SEPTIN12: variants seen among roughly 807,000 people sequenced by gnomAD.
SEPTIN12 encodes the protein septin-12.
A neutral mutation model predicts 37.7 loss-of-function variants in SEPTIN12; 42 were observed. The observed-to-expected ratio is 1.11, with a 90% CI of 0.87 to 1.44. The LOEUF (loss-of-function observed/expected upper bound fraction) is 1.44, where lower values mean the gene tolerates loss of function less well. SEPTIN12 is among the 40% of genes most tolerant of loss of function. SEPTIN12 has a pLI of 0.00. For synonymous variants in SEPTIN12, 254 were observed against 196.7 expected, an observed-to-expected ratio of 1.29 and a Z score of -2.44; for missense variants, 613 against 479.2, an observed-to-expected ratio of 1.28 and a Z score of -2.61.
In SEPTIN12 at chr16:4,785,238, C is replaced by T. The variant is rs141088625; in HGVS notation, c.374+569G>A. On this transcript the variant is annotated intron_variant, in intron 4 of 9. Transcript: ENST00000268231. ...TGCACTCTGGCCTGGGTGACAAGAGCGAGTCTGTCTTAAAAAAAAAAAAAA... is the reference window on the plus strand; with the variant it reads ...TGCACTCTGGCCTGGGTGACAAGAGTGAGTCTGTCTTAAAAAAAAAAAAAA... 9.6e-3 allele frequency among the ~76,000 whole-genome samples: 1,370 copies of T among 142,188 alleles called. 18 individuals are homozygous for T. The highest frequency in any genetic ancestry group is 0.034 in the African/African-American group (1,300 of 38,252). 93.3% of individuals were successfully genotyped at this position (142,188 alleles called of 152,430 possible).
Position 4,778,143 on chromosome 16 carries a change from A to G in SEPTIN12, c.824-6T>C. ...ACAGTGCGCCATGTTCTCCACTGCA[A>G]GACATGGGACTCAGTATGGGCGCTG... On this transcript the variant is annotated splice_region_variant and splice_polypyrimidine_tract_variant and intron_variant, in intron 8 of 9. Coordinates refer to ENST00000268231, the MANE Select transcript of SEPTIN12 (RefSeq NM_144605.5). 4 of 1,614,174 alleles carry G rather than the reference A, an allele frequency of 2.5e-6. No individual in the cohort carries two copies. Among genetic ancestry groups the G allele is most frequent in the Non-Finnish European group, 3.4e-6 (4 of 1,179,988 alleles).
chr16:4,788,446 G>A (rs2082495957), upstream of SEPTIN12: 1 of 152,386 alleles, frequency 6.6e-6, no homozygotes, highest in South Asian at 2.1e-4. Context: ...AGGAGCAGGA[G>A]CTGTTACCCT....
chr16:4,783,657 T>C lies in SEPTIN12; in HGVS notation c.622A>G (p.Arg208Gly), dbSNP rs2082398677. The change falls in exon 6 of 10, where the codon AGG (arginine) becomes GGG (glycine). Residue 208 changes from arginine to glycine, a missense_variant. Transcript: ENST00000268231. ...CCGGGCATCCAGATCACCCTGCGCC[T>C]GAAGGCCTCTCGCTCCTCCATGGTC... is the stretch of plus-strand genomic sequence containing the variant. Reference protein sequence around the residue: ...SLTMEEREAFRRRIQQNLRTH... With the variant: ...SLTMEEREAFGRRIQQNLRTH... The C allele has an allele frequency of 6.2e-7, 1 of 1,613,896 alleles. No individual in the cohort carries two copies.
chr16:4,791,477 A>T (rs1172835139), upstream of SEPTIN12, among the ~76,000 whole-genome samples: 1 of 152,094 alleles, frequency 6.6e-6, no homozygotes, highest in African/African-American at 2.4e-5. Flanking sequence ...CGACACTGGG[A>T]GGAGGTGGAT....
chr16:4,786,255 C>G (rs1476904026), intron 2 of SEPTIN12, 150 bp from the exon 3 acceptor site: 3 of 1,054,506 alleles, frequency 2.8e-6, no homozygotes, highest in East Asian at 5.4e-5. Context: ...TTCACTGCAG[C>G]CTCGACCTTC....
chr16:4,777,794 TG>T lies in SEPTIN12; in HGVS notation c.*2del. The T allele has an allele frequency of 6.6e-7, 1 of 1,517,786 alleles. No individual in the cohort carries two copies. Among genetic ancestry groups the T allele is most frequent in the Non-Finnish European group, 8.8e-7 (1 of 1,131,744 alleles). 94.0% of individuals were successfully genotyped at this position (1,517,786 alleles called of 1,614,324 possible). On this transcript the variant is annotated 3_prime_UTR_variant, in exon 10 of 10. Coordinates refer to ENST00000268231, the MANE Select transcript of SEPTIN12 (RefSeq NM_144605.5). Reference sequence around the variant, plus strand: ...GCCCAGCAGCCCCGGGATCCGCCGGTGGTCAGAACTCATCATCAGAATCGTC... The same window carrying T: ...GCCCAGCAGCCCCGGGATCCGCCGGTGTCAGAACTCATCATCAGAATCGTC...
chr16:4,787,419 C>T, intron 2 of SEPTIN12, 61 bp downstream of exon 2: 1 of 1,516,576 alleles, frequency 6.6e-7, no homozygotes. Context: ...GGTGAGGCCA[C>T]ACGCCCAGGC....
intron 7 of SEPTIN12, among the ~76,000 whole-genome samples, chr16:4,782,794 G>A (rs921587638): frequency 4.6e-5 from 7 of 151,280 alleles, no homozygotes; most frequent in East Asian, 1.9e-4. Flanking sequence ...TAGTAGAGAC[G>A]GGGTTTCGTC....
chr16:4,780,795 A>T (rs2082363936), intron 7 of SEPTIN12, among the ~76,000 whole-genome samples: 1 of 152,204 alleles, frequency 6.6e-6, no homozygotes, highest in African/African-American at 2.4e-5. Flanking sequence ...CCTGGTCAAC[A>T]TGGTGAAACC....
upstream of SEPTIN12, among the ~76,000 whole-genome samples, chr16:4,790,475 G>A (rs550265007): frequency 6.6e-6 from 1 of 152,148 alleles, no homozygotes; most frequent in Non-Finnish European, 1.5e-5. Flanking sequence ...CCTTCCTGGA[G>A]GCTTAACCTT....
At chr16:4,791,546 T>C (rs988338318), upstream of SEPTIN12, among the ~76,000 whole-genome samples, 2 of 152,110 alleles carry the variant, frequency 1.3e-5, no homozygotes. Flanking sequence ...TCAGGGAACG[T>C]TACTCAAGCT....
chr16:4,783,996 G>A lies in SEPTIN12; in HGVS notation c.447C>T (p.Arg149=). ...QYLQEEILIT[R]QRHIPDTRVH... ...CCCGGGTGTCTGGGATGTGGCGCTGGCGGGTGATGAGGATCTCCTCCTGCA... is the reference window on the plus strand; with the variant it reads ...CCCGGGTGTCTGGGATGTGGCGCTGACGGGTGATGAGGATCTCCTCCTGCA... Residue 149 remains arginine (R), a synonymous_variant, in exon 5 of 10, where the codon CGC becomes CGT. Transcript: ENST00000268231. The A allele has an allele frequency of 1.5e-5, 25 of 1,614,172 alleles. No homozygotes were observed. Among genetic ancestry groups the A allele is most frequent in the Non-Finnish European group, 2.1e-5 (25 of 1,180,022 alleles).
At chr16:4,779,861 G>A in intron 7 of SEPTIN12, 75 bp from the exon 8 acceptor site, 1 of 933,852 alleles carries the variant, frequency 1.1e-6, no homozygotes, top group South Asian at 1.3e-5. Context: ...AAGGCACCCA[G>A]GCAGGAGAGG....
At position 4,778,131 on chromosome 16, in the gene SEPTIN12, T is replaced by C; in HGVS notation, c.830A>G (p.Asn277Ser). The C allele has an allele frequency of 1.2e-6, 2 of 1,614,204 alleles. No individual in the cohort carries two copies. The highest frequency in any genetic ancestry group is 1.7e-6 in the Non-Finnish European group (2 of 1,180,040). The change falls in exon 9 of 10, where the codon AAC becomes AGC. Residue 277 changes from asparagine (N) to serine (S), a missense_variant. By Grantham distance (46) the Asn-to-Ser change is conservative. Transcript: ENST00000268231. ...GAGAGGAAATTCACAGTGCGCCATGTTCTCCACTGCAAGACATGGGACTCA... is the reference window on the plus strand; with the variant it reads ...GAGAGGAAATTCACAGTGCGCCATGCTCTCCACTGCAAGACATGGGACTCA... Reference protein sequence around the residue: ...KTKWGIIEVENMAHCEFPLLR... With the variant: ...KTKWGIIEVESMAHCEFPLLR...
rs1443233254 is a variant in SEPTIN12, at chr16:4,787,497, A to G, written c.149T>C (p.Phe50Ser). The change falls in exon 2 of 10, where the codon TTC (phenylalanine) becomes TCC (serine). Residue 50 changes from phenylalanine (F) to serine (S), a missense_variant. Physicochemically the swap from Phe to Ser is radical, Grantham distance 155. Transcript: ENST00000268231. ...KIKAMKMGFEFNIMVVGQSGL... is the reference protein window; with the variant it reads ...KIKAMKMGFESNIMVVGQSGL... ...TCACTCACCCACCACCATGATGTTG[A>G]ACTCAAACCCCATCTTCATAGCCTT... is the stretch of plus-strand genomic sequence containing the variant. 5.6e-6 allele frequency: 9 copies of G among 1,612,992 alleles called. No individual in the cohort carries two copies. Among genetic ancestry groups the G allele is most frequent in the Non-Finnish European group, 7.6e-6 (9 of 1,180,002 alleles).
chr16:4,784,124 C>A, intron 4 of SEPTIN12, 56 bp from the exon 5 acceptor site: 2 of 1,602,694 alleles, frequency 1.2e-6, no homozygotes, highest in Non-Finnish European at 1.7e-6. Context: ...GAGAGCCCCA[C>A]CCCTCTCCTC....
intron 1 of SEPTIN12, 38 bp from the exon 2 acceptor site, chr16:4,787,705 G>A: frequency 2.4e-6 from 2 of 845,846 alleles, no homozygotes; most frequent in East Asian, 2.6e-5. Context: ...GGTCACTGGG[G>A]CTCAGAGGAG....
intron 5 of SEPTIN12, 66 bp from the exon 6 acceptor site, chr16:4,783,832 C>T (rs2082402265): frequency 5.0e-6 from 8 of 1,599,266 alleles, no homozygotes; most frequent in Non-Finnish European, 6.8e-6. Flanking sequence ...AGCAGCAGGG[C>T]ACGGGGGTGG....
chr16:4,781,248 G>T (rs1246347259), intron 7 of SEPTIN12, among the ~76,000 whole-genome samples: 4 of 146,592 alleles, frequency 2.7e-5, no homozygotes, highest in African/African-American at 1.0e-4. Context: ...GACAGAGGGA[G>T]ACTCCATCTA....
Sources: allele counts gnomAD v4.1 joint callset (sites outside exome capture counted in the v4.1 genomes callset), GRCh38; gene constraint gnomAD v4.1.1; transcripts MANE v1.5; gene names NCBI Gene and HGNC (gene_info 2026-07-23, HGNC 2026-07-21).